Variants in TAOK3 observed in about 807,000 individuals in gnomAD.
The protein encoded by TAOK3 is serine/threonine-protein kinase TAO3.
TAOK3 carries 40 observed loss-of-function variants against 120.4 expected under a neutral mutation model. The ratio of observed to expected loss-of-function variants is 0.33; its 90% CI spans 0.26 to 0.43. The LOEUF (loss-of-function observed/expected upper bound fraction) is 0.43. Ranked by LOEUF, TAOK3 falls within the 20% of genes least tolerant of loss-of-function variation. The pLI is 1.00. For missense variants in TAOK3, 821 were observed against 1,112.1 expected, an observed-to-expected ratio of 0.74 and a Z score of 3.72; for synonymous variants, 355 against 387.5, an observed-to-expected ratio of 0.92 and a Z score of 0.99.
At chr12:118,204,854 C>A (rs924995318) in intron 11 of TAOK3, among the ~76,000 whole-genome samples, 1 of 151,980 alleles carries the variant, frequency 6.6e-6, no homozygotes, top group East Asian at 1.9e-4. Context: ...ACATGGCAAA[C>A]CCCCATCTCT....
intron 1 of TAOK3, among the ~76,000 whole-genome samples, chr12:118,321,801 G>A (rs1218651345): frequency 6.6e-6 from 1 of 151,770 alleles, no homozygotes; most frequent in South Asian, 2.1e-4. Flanking sequence ...TAATGTCATC[G>A]CTATTTTTGT....
chr12:118,303,906 C>T (rs868749594), intron 1 of TAOK3, among the ~76,000 whole-genome samples: 31 of 152,330 alleles, frequency 2.0e-4, no homozygotes, highest in African/African-American at 7.5e-4. Flanking sequence ...CCTTGGCCTC[C>T]CAAAGTGTTG....
chr12:118,243,798 T>C (rs542143040), intron 4 of TAOK3, among the ~76,000 whole-genome samples: 1 of 152,246 alleles, frequency 6.6e-6, no homozygotes, highest in South Asian at 2.1e-4. Flanking sequence ...TTCTCGTGCC[T>C]CCCAAGTAGC....
chr12:118,302,912 G>A (rs1421099818), intron 1 of TAOK3, among the ~76,000 whole-genome samples: 3 of 151,994 alleles, frequency 2.0e-5, no homozygotes, highest in African/African-American at 7.3e-5. Flanking sequence ...CAGATCTCAG[G>A]GGAAGATGAG....
chr12:118,305,506 C>A (rs548393437), intron 1 of TAOK3, among the ~76,000 whole-genome samples: 3 of 151,934 alleles, frequency 2.0e-5, no homozygotes, highest in Admixed American at 2.0e-4. Flanking sequence ...TAAACTTAAT[C>A]CACTACTACT....
chr12:118,273,657 T>C (rs543117652), intron 1 of TAOK3, among the ~76,000 whole-genome samples: 2 of 150,336 alleles, frequency 1.3e-5, no homozygotes, highest in South Asian at 2.1e-4. Context: ...CTACTGAAAA[T>C]AGAAAAAAAT....
intron 1 of TAOK3, among the ~76,000 whole-genome samples, chr12:118,355,664 GTGT>G (rs1284617051): frequency 7.2e-5 from 11 of 152,176 alleles, no homozygotes; most frequent in African/African-American, 2.7e-4. Flanking sequence ...ATAATGCCAT[GTGT>G]TGTTGTATCT....
intron 1 of TAOK3, among the ~76,000 whole-genome samples, chr12:118,289,349 T>A (rs7304667): frequency 0.013 from 2,013 of 151,594 alleles, 47 homozygotes; most frequent in African/African-American, 0.046. Flanking sequence ...CTTCAGGTAT[T>A]TAGAATAACT....
chr12:118,180,638 C>T (rs946771031), intron 15 of TAOK3, among the ~76,000 whole-genome samples: 1 of 152,254 alleles, frequency 6.6e-6, no homozygotes, highest in African/African-American at 2.4e-5. Flanking sequence ...GCTCCTTTTG[C>T]TCAGGGGCTC....
intron 1 of TAOK3, among the ~76,000 whole-genome samples, chr12:118,289,741 T>A (rs958029798): frequency 6.6e-6 from 1 of 152,134 alleles, no homozygotes; most frequent in Non-Finnish European, 1.5e-5. Flanking sequence ...ACAGCTATAA[T>A]CCCAGCATTT....
chr12:118,275,967 AGAAG>A (rs113134963), intron 1 of TAOK3, among the ~76,000 whole-genome samples: 3,610 of 152,248 alleles, frequency 0.024, 138 homozygotes, highest in African/African-American at 0.082. Context: ...AGAAAACGCC[AGAAG>A]GCCAGCGTGG....
Position 118,181,582 on chromosome 12 carries a change from T to C in TAOK3, c.1355A>G (p.Glu452Gly). The C allele has an allele frequency of 6.2e-7, 1 of 1,614,184 alleles. No individual in the cohort carries two copies. The highest frequency in any genetic ancestry group is 8.5e-7 in the Non-Finnish European group (1 of 1,180,034). ...SLVTRQIHEH[E>G]QENELREQMS... The stretch of plus-strand genomic sequence containing the variant: ...CTGTTCCCGCAACTCGTTCTCCTGC[T>C]CATGCTCATGGATCTGTCGTGTAAC... Residue 452 changes from glutamate (E) to glycine (G), a missense_variant, in exon 15 of 21, where the codon GAG becomes GGG. By Grantham distance (98) the Glu-to-Gly change is moderately conservative (BLOSUM62 -2). Around this residue, in one of 2 missense-constraint regions of TAOK3, gnomAD observed 354 missense variants for 572.1 expected, o/e 0.62. Coordinates refer to ENST00000392533, the MANE Select transcript of TAOK3 (RefSeq NM_016281.4).
intron 15 of TAOK3, among the ~76,000 whole-genome samples, chr12:118,179,650 T>G (rs1022596495): frequency 2.0e-5 from 3 of 151,662 alleles, no homozygotes; most frequent in African/African-American, 7.3e-5. Context: ...TCTGTTTTTT[T>G]TTTTTTTTTT....
intron 1 of TAOK3, among the ~76,000 whole-genome samples, chr12:118,336,511 T>C (rs1481490782): frequency 1.3e-5 from 2 of 151,854 alleles, no homozygotes; most frequent in African/African-American, 2.4e-5. Context: ...GAAAAAAGTA[T>C]AGGAGAAAAT....
chr12:118,225,496 T>A (rs1282766862), intron 9 of TAOK3, among the ~76,000 whole-genome samples: 1 of 152,122 alleles, frequency 6.6e-6, no homozygotes, highest in Non-Finnish European at 1.5e-5. Flanking sequence ...CTTGTATGAC[T>A]TATTACATTA....
chr12:118,218,123 T>C (rs1412082605), intron 9 of TAOK3, among the ~76,000 whole-genome samples: 1 of 151,788 alleles, frequency 6.6e-6, no homozygotes, highest in Non-Finnish European at 1.5e-5. Flanking sequence ...GCCTCCCAAG[T>C]ATTTTTTATT....
chr12:118,185,993 A>C lies in TAOK3; in HGVS notation c.1329+3814T>G, dbSNP rs142496198. ...TTCAAGCATTTAGAAACAGGATGAA[A>C]CAGTAGCATTTACTGCTGAGGCTCT... On this transcript the variant is annotated intron_variant, in intron 14 of 20. Transcript: ENST00000392533. Among the ~76,000 whole-genome samples the C allele has an allele frequency of 8.6e-4, 131 of 152,360 alleles. 2 individuals carry two copies. Among genetic ancestry groups the C allele is most frequent in the African/African-American group, 3.1e-3 (128 of 41,584 alleles).
At chr12:118,159,922 C>G (rs2035107781) in intron 19 of TAOK3, 1 of 578,160 alleles carries the variant, frequency 1.7e-6, no homozygotes, top group East Asian at 2.9e-5. Flanking sequence ...TGCCACAGGT[C>G]TGATGTGGCA....
Position 118,235,649 on chromosome 12 carries a change from G to T in TAOK3, c.460C>A (p.Leu154Ile). ...TTTACCTGACCTGGCTCTGTTAGAA[G>T]AATATTTCCTGCTTTAATATCCCTA... Reference protein sequence around the residue: ...IHRDIKAGNILLTEPGQVKLA... With the variant: ...IHRDIKAGNIILTEPGQVKLA... Residue 154 changes from leucine to isoleucine, a missense_variant, in exon 8 of 21, where the codon CTT (leucine) becomes ATT (isoleucine). Coordinates refer to ENST00000392533, the MANE Select transcript of TAOK3 (RefSeq NM_016281.4). 6.2e-7 allele frequency: 1 copy of T among 1,607,826 alleles called. No individual in the cohort carries two copies. Among genetic ancestry groups the T allele is most frequent in the East Asian group, 2.2e-5 (1 of 44,760 alleles).
Sources: allele counts gnomAD v4.1 joint callset (sites outside exome capture counted in the v4.1 genomes callset), GRCh38; gene constraint gnomAD v4.1.1; regional missense constraint gnomAD v4.1.1; transcripts MANE v1.5; gene names NCBI Gene and HGNC (gene_info 2026-07-23, HGNC 2026-07-21).